EHD1: variants seen among roughly 807,000 people sequenced by gnomAD.
EHD1 encodes the protein EH domain containing 1, also known as EH domain-containing protein 1.
A neutral mutation model predicts 39.0 loss-of-function variants in EHD1; 19 were observed. That is an observed-to-expected ratio of 0.49 (90% CI 0.34 to 0.72). The LOEUF (loss-of-function observed/expected upper bound fraction) is 0.72, where lower values mean the gene tolerates loss of function less well. Ranked by LOEUF, EHD1 falls within the 30% of genes least tolerant of loss-of-function variation. EHD1 has a pLI of 0.01. For synonymous variants in EHD1, 323 were observed against 331.2 expected (o/e 0.98, Z 0.27); for missense variants, 542 against 751.5 (o/e 0.72, Z 3.26).
intron 2 of EHD1, among the ~76,000 whole-genome samples, chr11:64,871,144 C>G (rs1943825182): frequency 6.6e-6 from 1 of 152,224 alleles, no homozygotes; most frequent in Admixed American, 6.5e-5. Context: ...ATTAGCAACC[C>G]CAATGTCCAT....
intron 3 of EHD1, among the ~76,000 whole-genome samples, chr11:64,858,972 G>A (rs774357892): frequency 4.3e-4 from 66 of 152,196 alleles, no homozygotes; most frequent in Non-Finnish European, 7.4e-4. Context: ...CCGGGCTGCA[G>A]GCTGGCACCC....
intron 3 of EHD1, chr11:64,855,911 CA>C: frequency 1.1e-5 from 1 of 88,140 alleles, no homozygotes; most frequent in Non-Finnish European, 2.3e-5. Flanking sequence ...ACGCATCACA[CA>C]CCCTCCGCTC....
At chr11:64,877,499 G>A (rs1943897165) in intron 1 of EHD1, among the ~76,000 whole-genome samples, 1 of 152,158 alleles carries the variant, frequency 6.6e-6, no homozygotes, top group African/African-American at 2.4e-5. Context: ...AACCTCAACT[G>A]TCCCCTGCCT....
chr11:64,856,901 G>A (rs1943659725), intron 3 of EHD1, among the ~76,000 whole-genome samples: 2 of 152,224 alleles, frequency 1.3e-5, no homozygotes, highest in Admixed American at 1.3e-4. Context: ...AGACGACCAG[G>A]CAGGGGCTCA....
intron 1 of EHD1, among the ~76,000 whole-genome samples, chr11:64,876,230 G>T (rs1308731663): frequency 6.6e-6 from 1 of 152,218 alleles, no homozygotes; most frequent in Non-Finnish European, 1.5e-5. Context: ...GAGAAGGCCG[G>T]CAAGTCAAGT....
intron 3 of EHD1, among the ~76,000 whole-genome samples, chr11:64,857,717 G>A (rs1327553822): frequency 6.6e-6 from 1 of 152,206 alleles, no homozygotes; most frequent in Non-Finnish European, 1.5e-5. Flanking sequence ...TGTGCTCAAC[G>A]CCTGCAGTCT....
rs867823193 is a variant in EHD1 at position 64,874,405 on chromosome 11, G to C, written c.502+16C>G. Reference sequence around the variant, plus strand: ...TGACAACACCAGCAGCCCGAGCTGTGGTCACAGCTGTTTACCTCTGCTGAT... The same window carrying C: ...TGACAACACCAGCAGCCCGAGCTGTCGTCACAGCTGTTTACCTCTGCTGAT... On this transcript the variant is annotated intron_variant, in intron 2 of 4. Transcript: ENST00000320631. The C allele has an allele frequency of 2.8e-5, 44 of 1,580,118 alleles. 2 individuals are homozygous for C. The Middle Eastern group carries it at 4.8e-3, about 173-fold the overall frequency.
At chr11:64,867,991 C>T (rs1943786556) in intron 2 of EHD1, among the ~76,000 whole-genome samples, 1 of 152,240 alleles carries the variant, frequency 6.6e-6, no homozygotes, top group African/African-American at 2.4e-5. Flanking sequence ...CTTACAGGGT[C>T]TGCCTTCCTG....
rs765185550 is a variant in EHD1 at position 64,854,046 on chromosome 11, G to A, written c.*287C>T. 4 of 520,670 alleles carry A rather than the reference G, an allele frequency of 7.7e-6. No individual in the cohort carries two copies. The highest frequency in any genetic ancestry group is 1.9e-5 in the African/African-American group (1 of 51,946). The allele number at this position is 520,670 out of a possible 1,614,324, so 32.3% of individuals were successfully genotyped here. ...CAGCAAAGGCCGGGGGGCAGAGGCC[G>A]TGCACACAGGGCTGGCACACAGGGG... On this transcript the variant is annotated 3_prime_UTR_variant, in exon 5 of 5. Transcript: ENST00000320631.
Position 64,860,250 on chromosome 11 carries a change from A to C in EHD1, c.589T>G (p.Ser197Ala), listed in dbSNP as rs1260263823. The C allele has an allele frequency of 6.2e-7, 1 of 1,614,028 alleles. No individual in the cohort carries two copies. The highest frequency in any genetic ancestry group is 1.7e-5 in the Admixed American group (1 of 60,022). Reference protein sequence around the residue: ...LLFDAHKLDISDEFSEVIKAL... With the variant: ...LLFDAHKLDIADEFSEVIKAL... ...TTGATCACTTCCGAGAACTCATCGG[A>C]GATGTCCAGCTTGTGGGCGTCGAAG... Residue 197 changes from serine (S) to alanine (A), a missense_variant, in exon 3 of 5, where the codon TCC becomes GCC. By Grantham distance (99) the Ser-to-Ala change is moderately conservative. Coordinates refer to ENST00000320631, the MANE Select transcript of EHD1 (RefSeq NM_006795.4).
intron 2 of EHD1, among the ~76,000 whole-genome samples, chr11:64,869,050 G>A (rs773574792): frequency 1.3e-5 from 2 of 152,202 alleles, no homozygotes; most frequent in African/African-American, 4.8e-5. Context: ...TTATTTACTC[G>A]CAGGATTTGT....
At chr11:64,877,070 G>A (rs1007573256) in intron 1 of EHD1, among the ~76,000 whole-genome samples, 3 of 152,218 alleles carry the variant, frequency 2.0e-5, no homozygotes, top group Admixed American at 1.3e-4. Flanking sequence ...GAGGCTCTTC[G>A]CTGGTGCAGA....
Position 64,854,301 on chromosome 11 carries a change from C to A in EHD1, c.*32G>T. On this transcript the variant is annotated 3_prime_UTR_variant, in exon 5 of 5. Coordinates refer to ENST00000320631, the MANE Select transcript of EHD1 (RefSeq NM_006795.4). ...CCCCCGTCTCTGCCTCCCGGCCGGG[C>A]GTGCAAATGGCAGGTGCGGGGCCGG... is the stretch of plus-strand genomic sequence containing the variant. The A allele has an allele frequency of 6.4e-7, 1 of 1,567,968 alleles. No homozygotes were observed. Among genetic ancestry groups the A allele is most frequent in the Non-Finnish European group, 8.6e-7 (1 of 1,158,090 alleles).
chr11:64,878,409 T>G lies in EHD1; in HGVS notation c.56A>C (p.Gln19Pro). Residue 19 changes from glutamine (Q) to proline (P), a missense_variant, in exon 1 of 5, where the codon CAG becomes CCG. By Grantham distance (76) the Gln-to-Pro change is moderately conservative. Transcript: ENST00000320631. The part of the protein sequence containing the change: ...ARRKKEPELF[Q>P]TVAEGLRQLY... ...CTGCCGCAGCCCCTCAGCCACCGTC[T>G]GGAAGAGCTCCGGCTCCTTCTTGCG... The G allele has an allele frequency of 6.2e-7, 1 of 1,613,768 alleles. No individual in the cohort carries two copies. The highest frequency in any genetic ancestry group is 1.7e-4 in the Middle Eastern group (1 of 6,060).
At chr11:64,879,496 A>G (rs1592758152), upstream of EHD1, 4 of 1,463,256 alleles carry the variant, frequency 2.7e-6, no homozygotes, top group Admixed American at 4.2e-5. Flanking sequence ...GGGGGCAACA[A>G]TGAAATCTTG....
chr11:64,865,110 T>G (rs1943753983), intron 2 of EHD1, among the ~76,000 whole-genome samples: 1 of 152,232 alleles, frequency 6.6e-6, no homozygotes, highest in South Asian at 2.1e-4. Flanking sequence ...GAAAATGTGC[T>G]TTTGCTGTGA....
upstream of EHD1, chr11:64,879,114 C>T (rs1318070613): frequency 7.0e-6 from 7 of 1,001,294 alleles, no homozygotes; most frequent in Non-Finnish European, 4.8e-6. Flanking sequence ...CCTCTCAGCC[C>T]AGCTTCCCAG....
At position 64,878,484 on chromosome 11, in the gene EHD1, G is replaced by C. The variant is rs371917521; in HGVS notation, c.-20C>G. 15 of 1,581,866 alleles carry C rather than the reference G, an allele frequency of 9.5e-6. No individual in the cohort carries two copies. The African/African-American group carries it at 1.2e-4, about 13-fold the overall frequency. On this transcript the variant is annotated 5_prime_UTR_variant, in exon 1 of 5. Transcript: ENST00000320631. ...GAACATACTGCCGGACACGGGGCTG[G>C]CTGCTGCGGGGCAGAGCGGCGGCTG... is the stretch of plus-strand genomic sequence containing the variant.
At chr11:64,877,242 T>C (rs1312819427) in intron 1 of EHD1, among the ~76,000 whole-genome samples, 2 of 152,198 alleles carry the variant, frequency 1.3e-5, no homozygotes, top group African/African-American at 2.4e-5. Flanking sequence ...GGGAGCACTG[T>C]GTTTCATTCA....
Sources: allele counts gnomAD v4.1 joint callset (sites outside exome capture counted in the v4.1 genomes callset), GRCh38; gene constraint gnomAD v4.1.1; transcripts MANE v1.5; gene names NCBI Gene and HGNC (gene_info 2026-07-23, HGNC 2026-07-21).